Variants in SCAF11 observed in about 807,000 individuals in gnomAD.
The protein encoded by SCAF11 is protein SCAF11.
SCAF11 carries 47 observed loss-of-function variants against 140.5 expected under a neutral mutation model. The observed-to-expected ratio is 0.33, with a 90% CI of 0.26 to 0.43. The LOEUF (loss-of-function observed/expected upper bound fraction) is 0.43, where lower values mean the gene tolerates loss of function less well. SCAF11 is among the 20% of genes least tolerant of loss of function. The pLI is 1.00. For synonymous variants in SCAF11, 557 were observed against 579.4 expected, an observed-to-expected ratio of 0.96 and a Z score of 0.55; for missense variants, 1,645 against 1,705.1, an observed-to-expected ratio of 0.96 and a Z score of 0.62.
rs550487971 is a variant in SCAF11, at chr12:45,961,752, G to A, written c.167C>T (p.Pro56Leu). The A allele has an allele frequency of 8.7e-6, 14 of 1,613,054 alleles. No homozygotes were observed. The highest frequency in any genetic ancestry group is 1.3e-5 in the African/African-American group (1 of 74,964). Residue 56 changes from proline (P) to leucine (L), a missense_variant, in exon 3 of 15, where the codon CCA (proline) becomes CTA (leucine). Around this residue, in one of 2 missense-constraint regions of SCAF11, gnomAD observed 1,582 missense variants for 1,609.2 expected, o/e 0.98. Transcript: ENST00000369367. ...ACAGAAGACATGATTACAGCTTTCT[G>A]GAAAACCAACTTCCTTTTCTAATAG... is the stretch of plus-strand genomic sequence containing the variant. ...NCLLEKEVGFPESCNHVFCMT... is the reference protein window; with the variant it reads ...NCLLEKEVGFLESCNHVFCMT...
At chr12:45,989,345 C>A (rs975329571) in intron 1 of SCAF11, among the ~76,000 whole-genome samples, 3 of 152,162 alleles carry the variant, frequency 2.0e-5, no homozygotes, top group Non-Finnish European at 4.4e-5. Context: ...CTACACAAAG[C>A]ATTAAAAACA....
chr12:45,971,854 A>G (rs1463829626), intron 1 of SCAF11, among the ~76,000 whole-genome samples: 1 of 152,022 alleles, frequency 6.6e-6, no homozygotes, highest in Non-Finnish European at 1.5e-5. Context: ...AAATAAAAAA[A>G]CTCTGGGCCA....
At position 45,927,076 on chromosome 12, in the gene SCAF11, G is replaced by A. The variant is rs770376436; in HGVS notation, c.2625C>T (p.Ser875=). 1 of 1,614,130 alleles carries A rather than the reference G, an allele frequency of 6.2e-7. No individual in the cohort carries two copies. The highest frequency in any genetic ancestry group is 8.5e-7 in the Non-Finnish European group (1 of 1,180,000). Residue 875 remains serine, a synonymous_variant, in exon 11 of 15, where the codon AGC becomes AGT. Transcript: ENST00000369367. ...RSPKRDTTRE[S]RRSESLSPRR... is the part of the protein sequence containing the mutation. Reference sequence around the variant, plus strand: ...TTGGGGACAGTGATTCAGATCTTCTGCTTTCCCTAGTAGTATCCCTTTTTG... The same window carrying A: ...TTGGGGACAGTGATTCAGATCTTCTACTTTCCCTAGTAGTATCCCTTTTTG...
chr12:45,921,825 T>C lies in SCAF11; in HGVS notation c.*223A>G. On this transcript the variant is annotated 3_prime_UTR_variant, in exon 15 of 15. Transcript: ENST00000369367. ...ATGCACATTCCTTTAAACCCTTTAC[T>C]TTCCCTTGAATTTTGTGGGGGAGGG... 2.0e-6 allele frequency: 1 copy of C among 507,686 alleles called. No individual in the cohort carries two copies. Among genetic ancestry groups the C allele is most frequent in the Non-Finnish European group, 3.5e-6 (1 of 289,800 alleles). The allele number at this position is 507,686 out of a possible 1,614,324, so 31.4% of individuals were successfully genotyped here. A position where few individuals can be genotyped will look rare whatever the true frequency, so the allele number is the denominator to read the frequency against.
intron 10 of SCAF11, 177 bp downstream of exon 10, chr12:45,931,329 C>T (rs1170581861): frequency 6.4e-5 from 25 of 388,000 alleles, no homozygotes; most frequent in Non-Finnish European, 4.2e-5. Flanking sequence ...TATATACATA[C>T]ACTCTAGTTG....
chr12:45,965,581 T>A (rs1945925925), intron 1 of SCAF11, among the ~76,000 whole-genome samples: 1 of 152,208 alleles, frequency 6.6e-6, no homozygotes, highest in Non-Finnish European at 1.5e-5. Context: ...CCCAAAATGC[T>A]GGAATTACAG....
chr12:45,953,582 T>G (rs754934647), intron 3 of SCAF11, among the ~76,000 whole-genome samples: 1 of 152,196 alleles, frequency 6.6e-6, no homozygotes, highest in African/African-American at 2.4e-5. Context: ...GTAATATTTC[T>G]AGTGCTTCCT....
chr12:45,929,672 T>G (rs902126408), intron 10 of SCAF11: 2 of 152,186 alleles, frequency 1.3e-5, no homozygotes, highest in Non-Finnish European at 2.9e-5. Flanking sequence ...GAGTTTCTAG[T>G]TGGAATATTT....
Position 45,934,608 on chromosome 12 carries a change from T to C in SCAF11, c.464-103A>G, listed in dbSNP as rs147316968. On this transcript the variant is annotated intron_variant, in intron 6 of 14. Transcript: ENST00000369367. ...GCACATTGGCAAGGGTTGAAATACG[T>C]AGAAAAGCTGTATTTCAAATAATAC... 7.5e-4 allele frequency: 485 copies of C among 642,930 alleles called. 3 individuals are homozygous for C. The East Asian group carries it at 0.013, about 18-fold the overall frequency. 39.8% of individuals were successfully genotyped at this position (642,930 alleles called of 1,614,324 possible).
At chr12:45,972,945 T>TATATAGATATATATATATATAG (rs1565689152) in intron 1 of SCAF11, among the ~76,000 whole-genome samples, 3 of 99,216 alleles carry the variant, frequency 3.0e-5, no homozygotes, top group African/African-American at 1.5e-4. Flanking sequence ...TATAGATATA[T>TATATAGATATATATATATATAG]ATATAGATAT....
chr12:45,948,541 T>C lies in SCAF11; in HGVS notation c.298-4A>G, dbSNP rs377187424. 44 of 1,566,728 alleles carry C rather than the reference T, an allele frequency of 2.8e-5. No homozygotes were observed. Among genetic ancestry groups the C allele is most frequent in the African/African-American group, 2.3e-4 (17 of 73,718 alleles). ...TCAGCTGTTTTTTTACTTGAACCTA[T>C]GAGAAAAGCAAAATCAATTTAGAGC... On this transcript the variant is annotated splice_polypyrimidine_tract_variant and splice_region_variant and intron_variant, in intron 4 of 14. Coordinates refer to ENST00000369367, the MANE Select transcript of SCAF11 (RefSeq NM_004719.3).
chr12:45,928,071 C>A lies in SCAF11; in HGVS notation c.1630G>T (p.Val544Phe). The change falls in exon 11 of 15, where the codon GTT (valine) becomes TTT (phenylalanine). Residue 544 changes from valine to phenylalanine, a missense_variant. By Grantham distance (50) the Val-to-Phe change is conservative (BLOSUM62 -1). Around this residue, in one of 2 missense-constraint regions of SCAF11, gnomAD observed 1,582 missense variants for 1,609.2 expected, o/e 0.98. Coordinates refer to ENST00000369367, the MANE Select transcript of SCAF11 (RefSeq NM_004719.3). ...QSEVKTDVCTVHLPNDFPTCL... is the reference protein window; with the variant it reads ...QSEVKTDVCTFHLPNDFPTCL... ...GTAGGAAAATCATTTGGAAGATGAA[C>A]TGTACATACATCTGTCTTTACCTCT... 6.2e-7 allele frequency: 1 copy of A among 1,613,918 alleles called. No individual in the cohort carries two copies. Among genetic ancestry groups the A allele is most frequent in the Non-Finnish European group, 8.5e-7 (1 of 1,180,002 alleles).
chr12:45,971,097 T>C (rs577104562), intron 1 of SCAF11, among the ~76,000 whole-genome samples: 3 of 152,324 alleles, frequency 2.0e-5, no homozygotes, highest in East Asian at 3.9e-4. Flanking sequence ...TCAAAGCTAA[T>C]ACATTTATTT....
chr12:45,982,395 G>A (rs942558601), intron 1 of SCAF11, among the ~76,000 whole-genome samples: 12 of 152,014 alleles, frequency 7.9e-5, no homozygotes, highest in East Asian at 1.9e-4. Context: ...AGTGCTATAC[G>A]TATATTTACA....
chr12:45,952,726 A>T (rs973641079), intron 3 of SCAF11, among the ~76,000 whole-genome samples: 11 of 152,170 alleles, frequency 7.2e-5, no homozygotes, highest in Admixed American at 5.9e-4. Flanking sequence ...TGTATTTTCT[A>T]TTAGGGTAGG....
In SCAF11 at chr12:45,951,689, C is replaced by A; in HGVS notation, c.258G>T (p.Gln86His). 1 of 1,592,396 alleles carries A rather than the reference C, an allele frequency of 6.3e-7. No individual in the cohort carries two copies. Among genetic ancestry groups the A allele is most frequent in the African/African-American group, 1.3e-5 (1 of 74,712 alleles). The change falls in exon 4 of 15, where the codon CAG becomes CAT. Residue 86 changes from glutamine (Q) to histidine (H), a missense_variant. Transcript: ENST00000369367. ...ASCPIDRKPFQAVFKFSALEG... is the reference protein window; with the variant it reads ...ASCPIDRKPFHAVFKFSALEG... ...CCAATGCACTGAATTTAAACACTGC[C>A]TGAAAAGGTTTACGGTCAATAGGAC...
At chr12:45,975,843 C>T (rs771498351) in intron 1 of SCAF11, 1 of 152,116 alleles carries the variant, frequency 6.6e-6, no homozygotes, top group East Asian at 1.9e-4. Context: ...TATATGGGCG[C>T]TCTTCGTGGT....
chr12:45,927,967 C>T lies in SCAF11; in HGVS notation c.1734G>A (p.Val578=), dbSNP rs763127804. The T allele has an allele frequency of 6.2e-7, 1 of 1,613,180 alleles. No individual in the cohort carries two copies. Among genetic ancestry groups the T allele is most frequent in the East Asian group, 2.2e-5 (1 of 44,864 alleles). ...TCTCTGTTATTTTTTCTTCATTAAC[C>T]ACTGACTCTACATTCTCAGATAAGT... ...LSDLSENVES[V]VNEEKITESS... Residue 578 remains valine (V), a synonymous_variant, in exon 11 of 15, where the codon GTG becomes GTA. Coordinates refer to ENST00000369367, the MANE Select transcript of SCAF11 (RefSeq NM_004719.3).
At chr12:45,951,296 A>C (rs1945543007) in intron 4 of SCAF11, among the ~76,000 whole-genome samples, 2 of 152,128 alleles carry the variant, frequency 1.3e-5, no homozygotes, top group African/African-American at 4.8e-5. Context: ...TAGCCAATTA[A>C]ATTCTTTGAA....
Sources: allele counts gnomAD v4.1 joint callset (sites outside exome capture counted in the v4.1 genomes callset), GRCh38; gene constraint gnomAD v4.1.1; regional missense constraint gnomAD v4.1.1; transcripts MANE v1.5; gene names NCBI Gene and HGNC (gene_info 2026-07-23, HGNC 2026-07-21).